The following COMMD10 variants were observed in gnomAD, a reference collection of about 807,000 sequenced individuals.
COMMD10 encodes COMM domain-containing protein 10.
COMMD10 carries 33 observed loss-of-function variants against 28.9 expected under a neutral mutation model. The observed-to-expected ratio is 1.14, with a 90% CI of 0.87 to 1.53. The LOEUF is 1.53. Ranked by LOEUF, COMMD10 falls within the 40% of genes most tolerant of loss-of-function variation. The pLI, the probability that COMMD10 is intolerant of heterozygous loss-of-function variation, is 0.00. For synonymous variants in COMMD10, 110 were observed against 81.7 expected (o/e 1.35, Z -1.87); for missense variants, 310 against 233.4 (o/e 1.33, Z -2.14).
intron 5 of COMMD10, among the ~76,000 whole-genome samples, chr5:116,169,704 G>A (rs62384183): frequency 0.3 from 46,039 of 151,946 alleles, 9,530 homozygotes; most frequent in African/African-American, 0.6. Context: ...GAATAAACGT[G>A]ATCCATTGCG....
chr5:116,273,784 T>G (rs1750822359), intron 5 of COMMD10, among the ~76,000 whole-genome samples: 3 of 151,714 alleles, frequency 2.0e-5, no homozygotes, highest in Admixed American at 2.0e-4. Context: ...ACACTCAAAT[T>G]TTTTATTGAC....
rs1342224059 is a variant in COMMD10 at position 116,292,840 on chromosome 5, C to T, written c.*351C>T. On this transcript the variant is annotated 3_prime_UTR_variant, in exon 7 of 7. Coordinates refer to ENST00000274458, the MANE Select transcript of COMMD10 (RefSeq NM_016144.4). ...ATACCATAATGTATCAAGGAGCGTC[C>T]ATGGATACAAGATAAGATGTGTACC... 2.5e-5 allele frequency: 10 copies of T among 395,014 alleles called. No homozygotes were observed. Among genetic ancestry groups the T allele is most frequent in the Middle Eastern group, 6.4e-4 (1 of 1,568 alleles). 24.5% of individuals were successfully genotyped at this position (395,014 alleles called of 1,614,324 possible). A position where few individuals can be genotyped will look rare whatever the true frequency, so the allele number is the denominator to read the frequency against.
intron 5 of COMMD10, among the ~76,000 whole-genome samples, chr5:116,197,344 T>C (rs1166127292): frequency 2.0e-5 from 3 of 152,172 alleles, no homozygotes; most frequent in Non-Finnish European, 4.4e-5. Flanking sequence ...ATTACAGTAC[T>C]TTTTTTCTGT....
intron 5 of COMMD10, among the ~76,000 whole-genome samples, chr5:116,185,422 G>A (rs1205087447): frequency 6.6e-6 from 1 of 151,956 alleles, no homozygotes; most frequent in Non-Finnish European, 1.5e-5. Context: ...TGAACAAAGG[G>A]GTCTGTGTAT....
chr5:116,137,412 T>C (rs947028537), intron 5 of COMMD10, among the ~76,000 whole-genome samples: 2 of 152,048 alleles, frequency 1.3e-5, no homozygotes, highest in Admixed American at 6.6e-5. Context: ...TGATATAAAG[T>C]ATCTTAAAGT....
intron 6 of COMMD10, among the ~76,000 whole-genome samples, chr5:116,292,177 A>T (rs1468036052): frequency 1.3e-5 from 2 of 152,116 alleles, no homozygotes; most frequent in Non-Finnish European, 2.9e-5. Context: ...GTGATAATTT[A>T]AAAGGAAACA....
At chr5:116,107,511 G>A (rs971686632) in intron 4 of COMMD10, among the ~76,000 whole-genome samples, 2 of 152,012 alleles carry the variant, frequency 1.3e-5, no homozygotes, top group Non-Finnish European at 2.9e-5. Flanking sequence ...TTCTCGTGCT[G>A]TGTTTTTCAG....
intron 5 of COMMD10, among the ~76,000 whole-genome samples, chr5:116,165,999 G>T (rs1474563736): frequency 1.2e-4 from 19 of 152,088 alleles, no homozygotes; most frequent in Non-Finnish European, 2.6e-4. Context: ...ATTGAGGTGG[G>T]TCAGCTATGG....
intron 5 of COMMD10, among the ~76,000 whole-genome samples, chr5:116,157,665 G>A (rs1490951510): frequency 3.3e-5 from 5 of 152,144 alleles, no homozygotes; most frequent in Non-Finnish European, 5.9e-5. Flanking sequence ...AATTGTTGAT[G>A]GAACATGCTG....
In COMMD10 at chr5:116,291,567, C is replaced by G. The variant is rs1561411848; in HGVS notation, c.561C>G (p.Phe187Leu). The G allele has an allele frequency of 1.9e-6, 3 of 1,573,532 alleles. No homozygotes were observed. The highest frequency in any genetic ancestry group is 1.7e-5 in the Admixed American group (1 of 58,616). The change falls in exon 6 of 7, where the codon TTC (phenylalanine) becomes TTG (leucine). Residue 187 changes from phenylalanine (F) to leucine (L), a missense_variant. Transcript: ENST00000274458. ...VEFSHKELFD[F>L]YNKLETIQAQ... ...TCAGTCACAAGGAGTTGTTTGATTT[C>G]TATAACAAGGTCTGTATTTTTAAAA...
At chr5:116,140,840 T>G (rs990604919) in intron 5 of COMMD10, among the ~76,000 whole-genome samples, 1 of 151,758 alleles carries the variant, frequency 6.6e-6, no homozygotes, top group African/African-American at 2.4e-5. Flanking sequence ...TATTAACCCC[T>G]TATCAGATAT....
At chr5:116,250,605 A>G (rs1750084727) in intron 5 of COMMD10, among the ~76,000 whole-genome samples, 1 of 151,932 alleles carries the variant, frequency 6.6e-6, no homozygotes, top group Admixed American at 6.6e-5. Context: ...AAAGAAAATC[A>G]GAGAGACTTA....
chr5:116,147,625 T>G (rs2112546545), intron 5 of COMMD10, among the ~76,000 whole-genome samples: 1 of 151,988 alleles, frequency 6.6e-6, no homozygotes, highest in South Asian at 2.1e-4. Context: ...AACCAAAACA[T>G]GTATTTCACA....
intron 5 of COMMD10, among the ~76,000 whole-genome samples, chr5:116,156,162 C>A (rs1404864520): frequency 6.6e-6 from 1 of 151,998 alleles, no homozygotes; most frequent in Non-Finnish European, 1.5e-5. Flanking sequence ...TATCCAGTTC[C>A]AAAATAACTC....
At position 116,279,178 on chromosome 5, in the gene COMMD10, G is replaced by A. The variant is rs141876607; in HGVS notation, c.511-12339G>A. ...TATGTAAAACCCTACTGGTACTTCC[G>A]TACTGCCTGGACATGCAGTGCATTA... is the stretch of plus-strand genomic sequence containing the variant. On this transcript the variant is annotated intron_variant, in intron 5 of 6. Coordinates refer to ENST00000274458, the MANE Select transcript of COMMD10 (RefSeq NM_016144.4). Among the ~76,000 whole-genome samples the A allele has an allele frequency of 8.6e-4, 130 of 151,802 alleles. 2 individuals are homozygous for A. Among genetic ancestry groups the A allele is most frequent in the Non-Finnish European group, 1.3e-3 (89 of 67,962 alleles).
intron 4 of COMMD10, among the ~76,000 whole-genome samples, chr5:116,094,133 C>T (rs1041298716): frequency 6.6e-6 from 1 of 152,114 alleles, no homozygotes; most frequent in Non-Finnish European, 1.5e-5. Flanking sequence ...GGCTGACCTT[C>T]CTAAAACATG....
intron 5 of COMMD10, among the ~76,000 whole-genome samples, chr5:116,215,372 A>G (rs1312660797): frequency 6.6e-6 from 1 of 152,012 alleles, no homozygotes; most frequent in African/African-American, 2.4e-5. Flanking sequence ...TTAGTGAGGG[A>G]GTCATTACTG....
intron 4 of COMMD10, among the ~76,000 whole-genome samples, chr5:116,123,132 A>C (rs964302025): frequency 3.3e-5 from 5 of 152,168 alleles, no homozygotes; most frequent in Admixed American, 6.5e-5. Context: ...AATAGCTCTT[A>C]TTATTTTGAG....
intron 5 of COMMD10, among the ~76,000 whole-genome samples, chr5:116,222,668 A>T (rs191348458): frequency 3.9e-4 from 59 of 152,274 alleles, no homozygotes; most frequent in Non-Finnish European, 7.1e-4. Flanking sequence ...ATTCAAAAGA[A>T]AACAACATTT....
Sources: gnomAD v4.1 joint callset for allele counts (sites outside exome capture counted in the v4.1 genomes callset) on GRCh38, gnomAD v4.1.1 for gene constraint, MANE v1.5 for transcripts, NCBI Gene and HGNC (gene_info 2026-07-23, HGNC 2026-07-21) for gene names.